The following LZTS1 variants were observed in gnomAD, a reference collection of about 807,000 sequenced individuals.
The protein encoded by LZTS1 is leucine zipper putative tumor suppressor 1.
In LZTS1, 31 loss-of-function variants were observed where a neutral mutation model predicts 45.8. The ratio of observed to expected loss-of-function variants is 0.68; its 90% CI spans 0.51 to 0.91. LZTS1 has a LOEUF of 0.91. Among genes scored for constraint, LZTS1 ranks in the 40% least tolerant of loss-of-function variants. The pLI, the probability that LZTS1 is intolerant of heterozygous loss-of-function variation, is 0.00. For missense variants in LZTS1, 821 were observed against 788.9 expected, an observed-to-expected ratio of 1.04 and a Z score of -0.49; for synonymous variants, 359 against 357.3, an observed-to-expected ratio of 1.00 and a Z score of -0.05.
At chr8:20,287,069 T>G (rs1800805052) in intron 1 of LZTS1, among the ~76,000 whole-genome samples, 1 of 139,936 alleles carries the variant, frequency 7.1e-6, no homozygotes, top group South Asian at 2.1e-4. Context: ...GCATGTATAT[T>G]ATACTTCAAT....
intron 1 of LZTS1, among the ~76,000 whole-genome samples, chr8:20,270,771 C>T (rs1377716830): frequency 2.0e-5 from 3 of 150,476 alleles, no homozygotes; most frequent in Non-Finnish European, 2.9e-5. Context: ...CAGTAGGGCT[C>T]ATCTTTTAGA....
intron 3 of LZTS1, among the ~76,000 whole-genome samples, chr8:20,252,447 C>G (rs1312766136): frequency 6.6e-6 from 1 of 152,182 alleles, no homozygotes; most frequent in Non-Finnish European, 1.5e-5. Context: ...TGTTCTTCTT[C>G]TGAGCCTCCT....
intron 1 of LZTS1, chr8:20,289,673 G>A (rs1019745379): frequency 6.6e-6 from 1 of 152,188 alleles, no homozygotes; most frequent in Non-Finnish European, 1.5e-5. Context: ...CTGGGTGGAG[G>A]CTTATTAAGC....
chr8:20,261,987 C>T (rs1378518151), intron 1 of LZTS1, among the ~76,000 whole-genome samples: 2 of 152,252 alleles, frequency 1.3e-5, no homozygotes, highest in Non-Finnish European at 2.9e-5. Context: ...CACACCTCCT[C>T]CCCTAAGCTG....
chr8:20,260,102 G>C (rs572738748), intron 1 of LZTS1, among the ~76,000 whole-genome samples: 1 of 152,264 alleles, frequency 6.6e-6, no homozygotes, highest in Admixed American at 6.5e-5. Flanking sequence ...GGGTCTCGCT[G>C]TGTTGCCCAT....
chr8:20,297,000 TCTC>T (rs1800988992), intron 1 of LZTS1, among the ~76,000 whole-genome samples: 1 of 152,110 alleles, frequency 6.6e-6, no homozygotes, highest in South Asian at 2.1e-4. Flanking sequence ...TTGTCTTCTG[TCTC>T]CGTCTTCCGC....
intron 1 of LZTS1, among the ~76,000 whole-genome samples, chr8:20,280,892 C>T (rs1025947506): frequency 3.3e-5 from 5 of 152,142 alleles, no homozygotes; most frequent in East Asian, 1.9e-4. Context: ...CCCAGACTTA[C>T]CTTCTACCTC....
rs571573694 is a variant in LZTS1 at position 20,303,920 on chromosome 8, C to G, written c.-315G>C. 1 of 983,924 alleles carries G rather than the reference C, an allele frequency of 1.0e-6. No homozygotes were observed. The highest frequency in any genetic ancestry group is 1.2e-6 in the Non-Finnish European group (1 of 829,418). 60.9% of individuals were successfully genotyped at this position (983,924 alleles called of 1,614,324 possible). A position where few individuals can be genotyped will look rare whatever the true frequency, so the allele number is the denominator to read the frequency against. ...GCAGAGAAACTTTCGGCCTCCCCGC[C>G]CGGCCGCTGCCAACCCGCCAGCTCC... On this transcript the variant is annotated 5_prime_UTR_variant, in exon 1 of 4. Coordinates refer to ENST00000381569, the MANE Select transcript of LZTS1 (RefSeq NM_021020.5).
At chr8:20,256,862 T>A (rs963941246) in intron 1 of LZTS1, among the ~76,000 whole-genome samples, 2 of 152,130 alleles carry the variant, frequency 1.3e-5, no homozygotes, top group Non-Finnish European at 1.5e-5. Context: ...TGGAAGTGGC[T>A]ATGAGACTAG....
chr8:20,280,521 A>G (rs1376859596), intron 1 of LZTS1, among the ~76,000 whole-genome samples: 1 of 152,174 alleles, frequency 6.6e-6, no homozygotes, highest in African/African-American at 2.4e-5. Context: ...GCGCGTGCAC[A>G]TGTGTTCAGA....
intron 1 of LZTS1, among the ~76,000 whole-genome samples, chr8:20,297,405 G>GTGTTTGTT (rs111674993): frequency 8.9e-4 from 135 of 151,942 alleles, no homozygotes; most frequent in African/African-American, 3.1e-3. Context: ...CTACTTTATT[G>GTGTTTGTT]TGTTTGTTTG....
intron 1 of LZTS1, among the ~76,000 whole-genome samples, chr8:20,261,233 A>AT (rs1800221763): frequency 6.6e-6 from 1 of 152,202 alleles, no homozygotes; most frequent in South Asian, 2.1e-4. Flanking sequence ...CTCACACTCC[A>AT]CATGGCATGC....
chr8:20,293,301 G>A (rs546259501), intron 1 of LZTS1, among the ~76,000 whole-genome samples: 1 of 152,118 alleles, frequency 6.6e-6, no homozygotes, highest in African/African-American at 2.4e-5. Context: ...AGTATGCAAG[G>A]TGGGTGTGCA....
In LZTS1 at chr8:20,251,112, TATATATATATA is replaced by T. The variant is rs1405383328; in HGVS notation, c.1150-760_1150-750del. 2.7e-3 allele frequency among the ~76,000 whole-genome samples: 238 copies of T among 88,732 alleles called. 11 individuals are homozygous for T. The highest frequency in any genetic ancestry group is 0.011 in the African/African-American group (233 of 22,126). The allele number at this position is 88,732 out of a possible 152,430, so 58.2% of individuals were successfully genotyped here. Reference sequence around the variant, plus strand: ...GCCTGAGGGCTAATATATATATATATATATATATATATATATATATATATATATATATATAT... The same window carrying T: ...GCCTGAGGGCTAATATATATATATATTATATATATATATATATATATATAT... On this transcript the variant is annotated intron_variant, in intron 3 of 3. Coordinates refer to ENST00000381569, the MANE Select transcript of LZTS1 (RefSeq NM_021020.5).
intron 3 of LZTS1, 110 bp from the exon 4 acceptor site, chr8:20,250,473 G>A: frequency 9.4e-7 from 1 of 1,058,618 alleles, no homozygotes; most frequent in Non-Finnish European, 1.3e-6. Flanking sequence ...CGGTGGCCCG[G>A]TGTTAGGCAT....
chr8:20,295,552 G>T (rs777585095), intron 1 of LZTS1, among the ~76,000 whole-genome samples: 10 of 152,114 alleles, frequency 6.6e-5, no homozygotes, highest in African/African-American at 9.7e-5. Context: ...CATTCCTAAG[G>T]CCTGGTGCTA....
chr8:20,275,103 G>T (rs1202345818), intron 1 of LZTS1, among the ~76,000 whole-genome samples: 1 of 152,058 alleles, frequency 6.6e-6, no homozygotes, highest in Non-Finnish European at 1.5e-5. Flanking sequence ...TCATTAACTG[G>T]GGACAGAAAG....
chr8:20,296,320 CA>C (rs1800978312), intron 1 of LZTS1, among the ~76,000 whole-genome samples: 1 of 152,218 alleles, frequency 6.6e-6, no homozygotes, highest in African/African-American at 2.4e-5. Context: ...TGCCCACTCC[CA>C]ACCCCATCTC....
chr8:20,288,422 G>A (rs1252070352), intron 1 of LZTS1, among the ~76,000 whole-genome samples: 2 of 152,180 alleles, frequency 1.3e-5, no homozygotes, highest in African/African-American at 4.8e-5. Context: ...TCCAGGGCGG[G>A]GAGGACACAG....
Sources: gnomAD v4.1 joint callset for allele counts (sites outside exome capture counted in the v4.1 genomes callset) on GRCh38, gnomAD v4.1.1 for gene constraint, MANE v1.5 for transcripts, NCBI Gene and HGNC (gene_info 2026-07-23, HGNC 2026-07-21) for gene names.